CSMD1: variants seen among roughly 807,000 people sequenced by gnomAD.
CSMD1 encodes the protein CUB and Sushi multiple domains 1.
In CSMD1, 213 loss-of-function variants were observed where a neutral mutation model predicts 417.5. That is an observed-to-expected ratio of 0.51 (90% CI 0.46 to 0.57). The LOEUF is 0.57. CSMD1 is among the 20% of genes least tolerant of loss of function. The probability of loss-of-function intolerance (pLI) is 0.00; values close to 1 mark genes in which losing one functional copy is unlikely to be tolerated. For missense variants in CSMD1, 6,923 were observed against 4,529.7 expected (o/e 1.53, Z -15.17); for synonymous variants, 2,862 against 1,736.8 (o/e 1.65, Z -16.11).
At chr8:3,292,952 C>T (rs990611534) in intron 25 of CSMD1, among the ~76,000 whole-genome samples, 2 of 152,062 alleles carry the variant, frequency 1.3e-5, no homozygotes, top group African/African-American at 2.4e-5. Flanking sequence ...CATGATTTTG[C>T]AGTGGCTGGT....
chr8:4,536,492 T>C (rs1797109263), intron 2 of CSMD1, among the ~76,000 whole-genome samples: 1 of 152,160 alleles, frequency 6.6e-6, no homozygotes, highest in Non-Finnish European at 1.5e-5. Flanking sequence ...CTCTACCTTG[T>C]CTTTTTCTCT....
intron 10 of CSMD1, among the ~76,000 whole-genome samples, chr8:3,504,915 C>T (rs1796759554): frequency 6.6e-6 from 1 of 151,834 alleles, no homozygotes; most frequent in Non-Finnish European, 1.5e-5. Flanking sequence ...GTCAAAATGC[C>T]AGTGAAATGG....
At chr8:3,385,982 A>C (rs1339744695) in intron 18 of CSMD1, among the ~76,000 whole-genome samples, 3 of 152,182 alleles carry the variant, frequency 2.0e-5, no homozygotes, top group South Asian at 2.1e-4. Context: ...TTAAGAATGT[A>C]CATTTTAGCA....
chr8:4,181,915 G>C (rs1386555456), intron 3 of CSMD1, among the ~76,000 whole-genome samples: 2 of 151,508 alleles, frequency 1.3e-5, no homozygotes, highest in East Asian at 3.9e-4. Context: ...GGCAGGACAA[G>C]TACTTAGTAC....
chr8:3,202,152 A>G (rs150716632), intron 31 of CSMD1, among the ~76,000 whole-genome samples: 3,358 of 152,272 alleles, frequency 0.022, 117 homozygotes, highest in African/African-American at 0.076. Flanking sequence ...TGGGCGACAG[A>G]GTGAGACTCT....
chr8:4,879,351 T>C (rs909823547), intron 1 of CSMD1, among the ~76,000 whole-genome samples: 5 of 152,076 alleles, frequency 3.3e-5, no homozygotes, highest in Admixed American at 3.3e-4. Flanking sequence ...GAAAGTGAGA[T>C]GGGAGAAATG....
At chr8:3,441,305 G>A (rs1259698710) in intron 12 of CSMD1, among the ~76,000 whole-genome samples, 1 of 151,902 alleles carries the variant, frequency 6.6e-6, no homozygotes, top group East Asian at 1.9e-4. Flanking sequence ...CATTTGTGGT[G>A]GTTAGTTTCC....
chr8:3,567,915 CAT>C lies in CSMD1; in HGVS notation c.1344+7028_1344+7029del, dbSNP rs531356442. ...TCTTCCTTCCACACATCATCACACA[CAT>C]GTGTTGACATCCCCATGGACGCCGG... On this transcript the variant is annotated intron_variant, in intron 10 of 69. Coordinates refer to ENST00000635120, the MANE Select transcript of CSMD1 (RefSeq NM_033225.6). 1.9e-3 allele frequency among the ~76,000 whole-genome samples: 291 copies of C among 152,272 alleles called. 1 individual carries two copies. The highest frequency in any genetic ancestry group is 6.6e-3 in the African/African-American group (274 of 41,552).
chr8:3,840,492 G>A (rs1336430331), intron 5 of CSMD1, among the ~76,000 whole-genome samples: 1 of 152,006 alleles, frequency 6.6e-6, no homozygotes, highest in Non-Finnish European at 1.5e-5. Flanking sequence ...ATCATTGACT[G>A]AATAAAAAAT....
chr8:4,376,292 T>G (rs560771073), intron 3 of CSMD1, among the ~76,000 whole-genome samples: 1 of 152,222 alleles, frequency 6.6e-6, no homozygotes, highest in Non-Finnish European at 1.5e-5. Context: ...GTGGCCATTG[T>G]AGAAAATTTA....
chr8:4,678,315 G>A (rs1221703050), intron 1 of CSMD1, among the ~76,000 whole-genome samples: 1 of 152,006 alleles, frequency 6.6e-6, no homozygotes, highest in East Asian at 1.9e-4. Flanking sequence ...GGAGGGTGAG[G>A]CATGAGAATA....
chr8:3,155,431 G>C (rs573479387), intron 39 of CSMD1, among the ~76,000 whole-genome samples: 1 of 121,984 alleles, frequency 8.2e-6, no homozygotes, highest in East Asian at 2.6e-4. Context: ...GCAGTGGCGC[G>C]ATCTTGGCTC....
chr8:3,614,979 A>G lies in CSMD1; in HGVS notation c.1097+1731T>C, dbSNP rs532155718. Among the ~76,000 whole-genome samples the G allele has an allele frequency of 3.9e-5, 6 of 152,332 alleles. No homozygotes were observed. In the East Asian group the frequency reaches 1.2e-3, roughly 29 times the overall value. ...AAAGACATGACTGTTGACACAAGGAAGGAATACATAGAATGGGGAGCCCTT... is the reference window on the plus strand; with the variant it reads ...AAAGACATGACTGTTGACACAAGGAGGGAATACATAGAATGGGGAGCCCTT... On this transcript the variant is annotated intron_variant, in intron 8 of 69. Coordinates refer to ENST00000635120, the MANE Select transcript of CSMD1 (RefSeq NM_033225.6).
At chr8:3,668,175 T>C (rs558474332) in intron 7 of CSMD1, among the ~76,000 whole-genome samples, 1 of 152,212 alleles carries the variant, frequency 6.6e-6, no homozygotes, top group East Asian at 1.9e-4. Context: ...GGGGCTGACC[T>C]CTGAGATATG....
intron 3 of CSMD1, among the ~76,000 whole-genome samples, chr8:4,326,231 A>G (rs1355424293): frequency 1.3e-5 from 2 of 152,168 alleles, no homozygotes; most frequent in Admixed American, 6.6e-5. Flanking sequence ...TTTGAAAACC[A>G]TTGGTCTAAG....
At chr8:3,439,145 AAAAAAAAC>A (rs1814776318) in intron 12 of CSMD1, among the ~76,000 whole-genome samples, 1 of 129,096 alleles carries the variant, frequency 7.7e-6, no homozygotes, top group Non-Finnish European at 1.6e-5. Flanking sequence ...AAAAAAAAAA[AAAAAAAAC>A]CAAGAAAAAA....
intron 26 of CSMD1, among the ~76,000 whole-genome samples, chr8:3,248,580 A>T (rs1800047669): frequency 8.2e-6 from 1 of 121,614 alleles, no homozygotes; most frequent in Non-Finnish European, 1.6e-5. Flanking sequence ...CCCAGCCTGG[A>T]GTACAGTGGC....
intron 5 of CSMD1, among the ~76,000 whole-genome samples, chr8:3,971,598 T>C (rs887692920): frequency 6.6e-6 from 1 of 152,094 alleles, no homozygotes; most frequent in Non-Finnish European, 1.5e-5. Context: ...ATATGTTCAG[T>C]TTTGACGGTC....
At chr8:3,868,624 T>C (rs1315806699) in intron 5 of CSMD1, among the ~76,000 whole-genome samples, 1 of 152,190 alleles carries the variant, frequency 6.6e-6, no homozygotes, top group East Asian at 1.9e-4. Context: ...CTCACATGCA[T>C]ATAAACAAGT....
Sources: gnomAD v4.1 joint callset for allele counts (sites outside exome capture counted in the v4.1 genomes callset) on GRCh38, gnomAD v4.1.1 for gene constraint, MANE v1.5 for transcripts, NCBI Gene and HGNC (gene_info 2026-07-23, HGNC 2026-07-21) for gene names.